The following ZNF257 variants were observed in gnomAD, a reference collection of about 807,000 sequenced individuals.
The protein encoded by ZNF257 is zinc finger protein 257.
ZNF257 carries 12 observed loss-of-function variants against 11.9 expected under a neutral mutation model. The ratio of observed to expected loss-of-function variants is 1.01; its 90% CI spans 0.65 to 1.63. The LOEUF is 1.63. ZNF257 is among the 40% of genes most tolerant of loss of function. ZNF257 has a pLI of 0.00. For missense variants in ZNF257, 580 were observed against 665.5 expected (o/e 0.87, Z 1.41); for synonymous variants, 183 against 222.7 (o/e 0.82, Z 1.59).
At chr19:22,085,128 C>G (rs2022447724) in intron 3 of ZNF257, among the ~76,000 whole-genome samples, 3 of 152,096 alleles carry the variant, frequency 2.0e-5, no homozygotes, top group South Asian at 2.1e-4. Flanking sequence ...TTTCTGCTCA[C>G]TGCAACCTCC....
chr19:22,065,760 AGTT>A (rs2021928498), intron 1 of ZNF257: 1 of 152,190 alleles, frequency 6.6e-6, no homozygotes, highest in African/African-American at 2.4e-5. Context: ...ATAGCTCTTT[AGTT>A]AACTATGTTG....
chr19:22,061,878 T>C (rs571428100), intron 1 of ZNF257, among the ~76,000 whole-genome samples: 15 of 150,372 alleles, frequency 1.0e-4, no homozygotes, highest in Non-Finnish European at 1.6e-4. Context: ...TTTTTTTTTT[T>C]GTTGCATCTA....
Position 22,089,338 on chromosome 19 carries a change from C to T in ZNF257, c.1588C>T (p.Leu530Phe), listed in dbSNP as rs750304889. 2 of 1,613,338 alleles carry T rather than the reference C, an allele frequency of 1.2e-6. No individual in the cohort carries two copies. The highest frequency in any genetic ancestry group is 1.1e-5 in the South Asian group (1 of 91,042). The part of the protein sequence containing the change: ...CGKPFNRFSY[L>F]TVHKRIHAGE... ...CAAGCCTTTTAATCGTTTCTCATAC[C>T]TTACCGTACATAAGAGAATTCATGC... The change falls in exon 4 of 4, where the codon CTT becomes TTT. Residue 530 changes from leucine (L) to phenylalanine (F), a missense_variant. Coordinates refer to ENST00000594947, the MANE Select transcript of ZNF257 (RefSeq NM_033468.4).
chr19:22,056,622 C>T (rs947188243), intron 1 of ZNF257, among the ~76,000 whole-genome samples: 1 of 151,842 alleles, frequency 6.6e-6, no homozygotes, highest in Non-Finnish European at 1.5e-5. Flanking sequence ...ACTACAGGCA[C>T]CCGCTACCAT....
chr19:22,079,891 C>G (rs1599671378), intron 3 of ZNF257, among the ~76,000 whole-genome samples: 1 of 152,116 alleles, frequency 6.6e-6, no homozygotes, highest in African/African-American at 2.4e-5. Flanking sequence ...GTTTTATATA[C>G]TTTTGGACTT....
Position 22,089,253 on chromosome 19 carries a change from C to T in ZNF257, c.1503C>T (p.His501=). ...GCAAAGCCTTTAACCGGTCTTCACA[C>T]CTTTCTCAACATAAGATAATTCATA... ...ECGKAFNRSS[H]LSQHKIIHTG... Residue 501 remains histidine, a synonymous_variant, in exon 4 of 4, where the codon CAC becomes CAT. Coordinates refer to ENST00000594947, the MANE Select transcript of ZNF257 (RefSeq NM_033468.4). The T allele has an allele frequency of 1.2e-6, 2 of 1,613,754 alleles. No homozygotes were observed. The highest frequency in any genetic ancestry group is 1.7e-6 in the Non-Finnish European group (2 of 1,179,828).
At chr19:22,081,636 C>T (rs1236080017) in intron 3 of ZNF257, among the ~76,000 whole-genome samples, 1 of 151,268 alleles carries the variant, frequency 6.6e-6, no homozygotes, top group Non-Finnish European at 1.5e-5. Context: ...TCAGATGATC[C>T]TCTCATTTCA....
chr19:22,068,268 G>A lies in ZNF257; in HGVS notation c.4-4541G>A, dbSNP rs948713448. Among the ~76,000 whole-genome samples, 3 of 151,576 alleles carry A rather than the reference G, an allele frequency of 2.0e-5. No homozygotes were observed. In the East Asian group the frequency reaches 5.9e-4, roughly 30 times the overall value. ...TCCCAGGTTACAGTCCTCAAAGATG[G>A]AACAAATAAACTGTCTACTTATATC... On this transcript the variant is annotated intron_variant, in intron 1 of 3. Coordinates refer to ENST00000594947, the MANE Select transcript of ZNF257 (RefSeq NM_033468.4).
At chr19:22,078,408 C>G (rs911411086) in intron 3 of ZNF257, among the ~76,000 whole-genome samples, 4 of 151,424 alleles carry the variant, frequency 2.6e-5, no homozygotes, top group African/African-American at 9.7e-5. Flanking sequence ...ATTATTTGAC[C>G]ATTTCTAAAT....
chr19:22,078,744 A>C (rs1471553000), intron 3 of ZNF257, among the ~76,000 whole-genome samples: 1 of 151,684 alleles, frequency 6.6e-6, no homozygotes, highest in Admixed American at 6.6e-5. Flanking sequence ...ATATGGTTCA[A>C]GGAAATAATC....
chr19:22,073,013 GT>G, intron 2 of ZNF257, 78 bp downstream of exon 2: 1 of 1,372,672 alleles, frequency 7.3e-7, no homozygotes, highest in Non-Finnish European at 9.6e-7. Flanking sequence ...TTTGTAGAAT[GT>G]TTTTTGGTAA....
At chr19:22,068,490 A>T (rs1352249939) in intron 1 of ZNF257, among the ~76,000 whole-genome samples, 1 of 152,132 alleles carries the variant, frequency 6.6e-6, no homozygotes, top group Non-Finnish European at 1.5e-5. Context: ...GCCAGGTTTT[A>T]GATTAAGAAG....
At chr19:22,057,035 T>C (rs996509278) in intron 1 of ZNF257, among the ~76,000 whole-genome samples, 13 of 152,198 alleles carry the variant, frequency 8.5e-5, no homozygotes, top group African/African-American at 3.1e-4. Context: ...TTCTGTTATT[T>C]TGATTTCTGA....
chr19:22,075,211 T>C (rs1599668691), intron 3 of ZNF257, among the ~76,000 whole-genome samples: 1 of 151,352 alleles, frequency 6.6e-6, no homozygotes, highest in Non-Finnish European at 1.5e-5. Flanking sequence ...TTTGGACAGA[T>C]TGGATATCCT....
chr19:22,052,546 C>G lies in ZNF257; in HGVS notation c.-87C>G. On this transcript the variant is annotated 5_prime_UTR_variant, in exon 1 of 4. Transcript: ENST00000594947. ...TCTTCCCTGGTCTGTGTCCTCTTCT[C>G]CTAGGGGCCCAGCCTCTGTGGCCCT... 2 of 1,520,070 alleles carry G rather than the reference C, an allele frequency of 1.3e-6. No homozygotes were observed. The highest frequency in any genetic ancestry group is 1.8e-6 in the Non-Finnish European group (2 of 1,104,980). 94.2% of individuals were successfully genotyped at this position (1,520,070 alleles called of 1,614,324 possible).
chr19:22,058,531 G>A (rs1456015517), intron 1 of ZNF257, among the ~76,000 whole-genome samples: 1 of 152,136 alleles, frequency 6.6e-6, no homozygotes. Context: ...TGCTGAATGG[G>A]TGGTGTCAGA....
At chr19:22,067,744 G>T (rs1345960846) in intron 1 of ZNF257, among the ~76,000 whole-genome samples, 1 of 152,026 alleles carries the variant, frequency 6.6e-6, no homozygotes, top group Non-Finnish European at 1.5e-5. Flanking sequence ...CTGAGGCAGA[G>T]AATTGCTTGA....
chr19:22,080,289 C>T (rs1166956268), intron 3 of ZNF257, among the ~76,000 whole-genome samples: 1 of 152,080 alleles, frequency 6.6e-6, no homozygotes, highest in Non-Finnish European at 1.5e-5. Context: ...ATGTAATTCT[C>T]AATGTTGAAT....
chr19:22,086,216 A>C (rs2022473554), intron 3 of ZNF257, among the ~76,000 whole-genome samples: 1 of 151,914 alleles, frequency 6.6e-6, no homozygotes, highest in African/African-American at 2.4e-5. Context: ...GTCTATACAG[A>C]TATTTTCTTT....
Sources: gnomAD v4.1 joint callset for allele counts (sites outside exome capture counted in the v4.1 genomes callset) on GRCh38, gnomAD v4.1.1 for gene constraint, MANE v1.5 for transcripts, NCBI Gene and HGNC (gene_info 2026-07-23, HGNC 2026-07-21) for gene names.